FAM110B: variants seen among roughly 807,000 people sequenced by gnomAD.
FAM110B encodes the protein protein FAM110B.
Under a neutral mutation model 20.4 loss-of-function variants are expected in FAM110B, and 6 were observed. The observed-to-expected ratio is 0.29, with a 90% confidence interval of 0.16 to 0.58. The LOEUF (loss-of-function observed/expected upper bound fraction) is 0.58, where lower values mean the gene tolerates loss of function less well. Among genes scored for constraint, FAM110B ranks in the 20% least tolerant of loss-of-function variants. FAM110B has a pLI of 0.90. For missense variants in FAM110B, 434 were observed against 498.2 expected, an observed-to-expected ratio of 0.87 and a Z score of 1.23; for synonymous variants, 226 against 214.1, an observed-to-expected ratio of 1.06 and a Z score of -0.49.
chr8:58,122,199 C>CA (rs1365192496), intron 3 of FAM110B, among the ~76,000 whole-genome samples: 2 of 152,016 alleles, frequency 1.3e-5, no homozygotes, highest in African/African-American at 4.8e-5. Flanking sequence ...AGTACAGCAC[C>CA]ATTTTGGTTC....
chr8:58,125,245 G>A (rs1238180209), intron 3 of FAM110B, among the ~76,000 whole-genome samples: 1 of 152,150 alleles, frequency 6.6e-6, no homozygotes, highest in Non-Finnish European at 1.5e-5. Context: ...CTACTCAAGG[G>A]GCTAAGGTGG....
At chr8:58,083,262 G>C (rs1806248239) in intron 3 of FAM110B, among the ~76,000 whole-genome samples, 1 of 152,126 alleles carries the variant, frequency 6.6e-6, no homozygotes, top group Admixed American at 6.6e-5. Flanking sequence ...AATGAAGTCA[G>C]AAACAAAAGA....
chr8:58,079,594 C>T (rs1463592685), intron 3 of FAM110B, among the ~76,000 whole-genome samples: 1 of 152,102 alleles, frequency 6.6e-6, no homozygotes, highest in Non-Finnish European at 1.5e-5. Flanking sequence ...CTGAGCAACA[C>T]TGTGAGACCC....
chr8:58,045,920 G>C (rs2150578587), intron 2 of FAM110B, among the ~76,000 whole-genome samples: 1 of 152,294 alleles, frequency 6.6e-6, no homozygotes, highest in African/African-American at 2.4e-5. Flanking sequence ...TGTCCAGTGA[G>C]GGCTCCTTCC....
At chr8:58,038,167 A>C (rs1395640588) in intron 2 of FAM110B, among the ~76,000 whole-genome samples, 1 of 152,198 alleles carries the variant, frequency 6.6e-6, no homozygotes, top group African/African-American at 2.4e-5. Flanking sequence ...ATGACATAGA[A>C]ATGCATGGTA....
chr8:58,118,416 G>A (rs1303568100), intron 3 of FAM110B, among the ~76,000 whole-genome samples: 1 of 152,174 alleles, frequency 6.6e-6, no homozygotes, highest in South Asian at 2.1e-4. Context: ...ATCCCAAAAC[G>A]GGTTATCTTT....
At chr8:58,051,681 A>G (rs949738831) in intron 2 of FAM110B, among the ~76,000 whole-genome samples, 8 of 152,190 alleles carry the variant, frequency 5.3e-5, no homozygotes, top group Non-Finnish European at 1.0e-4. Flanking sequence ...AAATGGTAAA[A>G]AGTACTATGG....
intron 2 of FAM110B, among the ~76,000 whole-genome samples, chr8:58,034,052 A>G (rs189739103): frequency 2.2e-4 from 34 of 152,256 alleles, no homozygotes; most frequent in Middle Eastern, 3.4e-3. Flanking sequence ...TCCCTCCTGA[A>G]ACAGGCCTGG....
At chr8:58,042,326 C>T (rs1026315799) in intron 2 of FAM110B, among the ~76,000 whole-genome samples, 5 of 152,214 alleles carry the variant, frequency 3.3e-5, no homozygotes. Flanking sequence ...GATTTTCTGG[C>T]ACAATCCAGT....
chr8:58,142,782 G>A (rs1444761441), intron 3 of FAM110B, among the ~76,000 whole-genome samples: 1 of 152,100 alleles, frequency 6.6e-6, no homozygotes, highest in Admixed American at 6.5e-5. Flanking sequence ...TCTCTGTCCT[G>A]AGTCATAAGT....
rs184693639 is a variant in FAM110B at position 58,084,754 on chromosome 8, C to T, written c.-325+9131C>T. ...ACCACCATGTACACCTTAAACTCTC[C>T]ATCCCCAGATAGAATGGGTTGTGAA... is the stretch of plus-strand genomic sequence containing the variant. On this transcript the variant is annotated intron_variant, in intron 3 of 3. Transcript: ENST00000519262. 3.9e-4 allele frequency among the ~76,000 whole-genome samples: 59 copies of T among 150,898 alleles called. 1 individual carries two copies. The East Asian group carries it at 0.011, about 28-fold the overall frequency.
intron 2 of FAM110B, among the ~76,000 whole-genome samples, chr8:58,035,357 T>A (rs1285755175): frequency 6.6e-6 from 1 of 152,258 alleles, no homozygotes; most frequent in Non-Finnish European, 1.5e-5. Context: ...TTTAACAAAC[T>A]TTGGCATTCA....
intron 1 of FAM110B, among the ~76,000 whole-genome samples, chr8:58,025,378 C>T (rs1804834836): frequency 6.6e-6 from 1 of 152,054 alleles, no homozygotes; most frequent in Non-Finnish European, 1.5e-5. Context: ...AGTGGGAAGG[C>T]AAGAAGAAGC....
chr8:58,061,626 G>C (rs1268226459), intron 2 of FAM110B, among the ~76,000 whole-genome samples: 1 of 152,054 alleles, frequency 6.6e-6, no homozygotes, highest in Non-Finnish European at 1.5e-5. Context: ...AAGTACAAGA[G>C]AGACCCAAGA....
Position 58,006,901 on chromosome 8 carries a change from G to GTATATATATATA in FAM110B, c.-512+12107_-512+12118dup, listed in dbSNP as rs761091750. ...TGAGCCACTGGGCCTGGCTTAATTG[G>GTATATATATATA]TATATATATATATATATATATATTT... On this transcript the variant is annotated intron_variant, in intron 1 of 3. Coordinates refer to ENST00000519262, the MANE Select transcript of FAM110B (RefSeq NM_001377989.1). Among the ~76,000 whole-genome samples the GTATATATATATA allele has an allele frequency of 2.3e-3, 225 of 97,526 alleles. 4 individuals are homozygous for GTATATATATATA. The highest frequency in any genetic ancestry group is 6.3e-3 in the African/African-American group (184 of 29,074). 64.0% of individuals were successfully genotyped at this position (97,526 alleles called of 152,430 possible).
intron 1 of FAM110B, among the ~76,000 whole-genome samples, chr8:58,027,396 G>A (rs563287508): frequency 7.9e-5 from 12 of 151,318 alleles, no homozygotes; most frequent in South Asian, 4.2e-4. Context: ...GAGGAAGTTC[G>A]TGAATATTAA....
At chr8:58,040,375 C>A (rs1011547026) in intron 2 of FAM110B, among the ~76,000 whole-genome samples, 2 of 152,294 alleles carry the variant, frequency 1.3e-5, no homozygotes, top group Admixed American at 1.3e-4. Flanking sequence ...GTATCTGTAT[C>A]CCAGTGAGCA....
Position 58,146,696 on chromosome 8 carries a change from C to A in FAM110B, c.466C>A (p.Arg156Ser), listed in dbSNP as rs756242593. ...CCGGTCGGAAGCCACTGACCTGCACCGTCACTCCTTCGCGGAGTCCCTGAA... is the reference window on the plus strand; with the variant it reads ...CCGGTCGGAAGCCACTGACCTGCACAGTCACTCCTTCGCGGAGTCCCTGAA... Reference protein sequence around the residue: ...PHRSEATDLHRHSFAESLKVY... With the variant: ...PHRSEATDLHSHSFAESLKVY... The change falls in exon 4 of 4, where the codon CGT becomes AGT. Residue 156 changes from arginine to serine, a missense_variant. Physicochemically the swap from Arg to Ser is moderately radical, Grantham distance 110. This residue lies in a region of FAM110B where 284 missense variants were observed against 278.3 expected (regional missense o/e 1.02). Coordinates refer to ENST00000519262, the MANE Select transcript of FAM110B (RefSeq NM_001377989.1). The A allele has an allele frequency of 6.2e-7, 1 of 1,612,508 alleles. No individual in the cohort carries two copies. Among genetic ancestry groups the A allele is most frequent in the Admixed American group, 1.7e-5 (1 of 59,882 alleles).
chr8:58,075,321 G>A (rs1585864168), intron 2 of FAM110B, among the ~76,000 whole-genome samples: 2 of 139,928 alleles, frequency 1.4e-5, no homozygotes, highest in African/African-American at 6.0e-5. Flanking sequence ...GTTTCATCAT[G>A]TTGGGCAGGC....
Sources: gnomAD v4.1 joint callset for allele counts (sites outside exome capture counted in the v4.1 genomes callset) on GRCh38, gnomAD v4.1.1 for gene constraint, gnomAD v4.1.1 regional missense constraint, MANE v1.5 for transcripts, NCBI Gene and HGNC (gene_info 2026-07-23, HGNC 2026-07-21) for gene names.